FKBP8: variants seen among roughly 807,000 people sequenced by gnomAD.
The protein encoded by FKBP8 is peptidyl-prolyl cis-trans isomerase FKBP8.
A neutral mutation model predicts 41.7 loss-of-function variants in FKBP8; 5 were observed. The ratio of observed to expected loss-of-function variants is 0.12; its 90% CI spans 0.06 to 0.25. FKBP8 has a LOEUF of 0.25. FKBP8 is among the 10% of genes least tolerant of loss of function. The pLI, the probability that FKBP8 is intolerant of heterozygous loss-of-function variation, is 1.00. For missense variants in FKBP8, 397 were observed against 563.0 expected, an observed-to-expected ratio of 0.71 and a Z score of 2.98; for synonymous variants, 279 against 254.5, an observed-to-expected ratio of 1.10 and a Z score of -0.92.
chr19:18,541,941 G>C lies in FKBP8; in HGVS notation c.30C>G (p.Pro10=), dbSNP rs948537674. The change falls in exon 2 of 9, where the codon CCC becomes CCG. Residue 10 remains proline, a synonymous_variant. Coordinates refer to ENST00000608443, the MANE Select transcript of FKBP8 (RefSeq NM_012181.5). ...GGACCCCGGCGGGCAGTGGGGCAGA[G>C]GGCTCAGAGGGTTCAGCACACGATG... MASCAEPSE[P]SAPLPAGVPP... The C allele has an allele frequency of 1.9e-6, 3 of 1,614,038 alleles. No homozygotes were observed. The Admixed American group carries it at 5.0e-5, about 27-fold the overall frequency.
At position 18,532,042 on chromosome 19, in the gene FKBP8, A is replaced by T. The variant is rs1021660308; in HGVS notation, c.*127T>A. The T allele has an allele frequency of 1.6e-5, 13 of 827,830 alleles. No homozygotes were observed. The highest frequency in any genetic ancestry group is 2.6e-5 in the Non-Finnish European group (13 of 507,388). The allele number at this position is 827,830 out of a possible 1,614,324, so 51.3% of individuals were successfully genotyped here. On this transcript the variant is annotated 3_prime_UTR_variant, in exon 9 of 9. Transcript: ENST00000608443. ...TGCTGGCTGGGCTGCACGACCCCCA[A>T]TCCTTGCTCCCCTAACCCGGAGGAG...
Position 18,532,723 on chromosome 19 carries a change from G to A in FKBP8, c.1096C>T (p.Arg366Trp), listed in dbSNP as rs750335116. Reference sequence around the variant, plus strand: ...CGGCTGGGGTTGCCCAGCATTTTCCGGTACAAGGCGGTCTCCGTGCTCCGC... The same window carrying A: ...CGGCTGGGGTTGCCCAGCATTTTCCAGTACAAGGCGGTCTCCGTGCTCCGC... ...AQRSTETALY[R>W]KMLGNPSRLP... is the part of the protein sequence containing the mutation. The change falls in exon 8 of 9, where the codon CGG becomes TGG. Residue 366 changes from arginine (R) to tryptophan (W), a missense_variant. Around this residue, in one of 2 missense-constraint regions of FKBP8, gnomAD observed 225 missense variants for 366.8 expected, o/e 0.61. Coordinates refer to ENST00000608443, the MANE Select transcript of FKBP8 (RefSeq NM_012181.5). 5.0e-6 allele frequency: 8 copies of A among 1,614,134 alleles called. No homozygotes were observed. The highest frequency in any genetic ancestry group is 6.8e-6 in the Non-Finnish European group (8 of 1,180,038).
At position 18,534,199 on chromosome 19, in the gene FKBP8, C is replaced by T. The variant is rs567343977; in HGVS notation, c.946-852G>A. 4.6e-5 allele frequency among the ~76,000 whole-genome samples: 7 copies of T among 151,454 alleles called. No homozygotes were observed. The South Asian group carries it at 8.4e-4, about 18-fold the overall frequency. The stretch of plus-strand genomic sequence containing the variant: ...GCGGGCGCCTGTAGTCCCAGCTACT[C>T]GGGAGGCTGAGGCAGGAGAATGGCG... On this transcript the variant is annotated intron_variant, in intron 6 of 8. Coordinates refer to ENST00000608443, the MANE Select transcript of FKBP8 (RefSeq NM_012181.5).
intron 4 of FKBP8, among the ~76,000 whole-genome samples, chr19:18,539,147 G>C (rs1568411112): frequency 6.6e-6 from 1 of 152,066 alleles, no homozygotes; most frequent in Admixed American, 6.6e-5. Context: ...TTTTTGTATA[G>C]AGATGCGGTC....
rs758466037 is a variant in FKBP8, at chr19:18,538,259, G to T, written c.729C>A (p.Asn243Lys). Residue 243 changes from asparagine to lysine, a missense_variant, in exon 5 of 9, where the codon AAC (asparagine) becomes AAA (lysine). By Grantham distance (94) the Asn-to-Lys change is moderately conservative. Transcript: ENST00000608443. This position sits in a 1 kb window ranked among gnomAD's most constrained non-coding sequence, Gnocchi z 4.0. ...YQRADFVLAANSYDLAIKAIT... is the reference protein window; with the variant it reads ...YQRADFVLAAKSYDLAIKAIT... ...TAGCCTTGATGGCGAGGTCGTAGGA[G>T]TTGGCGGCCAGGACGAAGTCCGCCC... 5 of 1,613,250 alleles carry T rather than the reference G, an allele frequency of 3.1e-6. No homozygotes were observed. The East Asian group carries it at 8.9e-5, about 29-fold the overall frequency.
In FKBP8 at chr19:18,538,298, G is replaced by A. The variant is rs774758548; in HGVS notation, c.690C>T (p.Asn230=). The stretch of plus-strand genomic sequence containing the variant: ...CGAAGTCCGCCCGCTGGTAGTGGGC[G>A]TTGCCGCACTCCCGCTTCCGGTTGG... ...ALANRKRECG[N]AHYQRADFVL... The change falls in exon 5 of 9, where the codon AAC becomes AAT. Residue 230 remains asparagine (N), a synonymous_variant. Transcript: ENST00000608443. The surrounding 1 kb of genome is among the most constrained non-coding windows in gnomAD (Gnocchi z 4.0). 8.7e-6 allele frequency: 14 copies of A among 1,613,588 alleles called. No individual in the cohort carries two copies. Among genetic ancestry groups the A allele is most frequent in the East Asian group, 6.7e-5 (3 of 44,876 alleles).
In FKBP8 at chr19:18,533,288, C is replaced by T. The variant is rs1976490420; in HGVS notation, c.1005G>A (p.Lys335=). 3.1e-6 allele frequency: 5 copies of T among 1,600,270 alleles called. No individual in the cohort carries two copies. The highest frequency in any genetic ancestry group is 1.3e-5 in the African/African-American group (1 of 74,862). Residue 335 remains lysine (K), a synonymous_variant, in exon 7 of 9, where the codon AAG becomes AAA. Transcript: ENST00000608443. ...TGCTCACCTTGTTGGAAGGTTCCAG[C>T]TTCAGGGCTGCCCTCAGGATGGGGA... ...EAIPILRAAL[K]LEPSNKTIHA... is the part of the protein sequence containing the mutation.
At chr19:18,543,426 A>C (rs1976756587) in intron 1 of FKBP8, 60 bp downstream of exon 1, 1 of 130,300 alleles carries the variant, frequency 7.7e-6, no homozygotes, top group Non-Finnish European at 1.6e-5. Context: ...CCCCCGGACC[A>C]GCCTAGGCCA....
In FKBP8 at chr19:18,532,729, A is replaced by C. The variant is rs553830583; in HGVS notation, c.1090T>G (p.Leu364Val). Reference protein sequence around the residue: ...HAAQRSTETALYRKMLGNPSR... With the variant: ...HAAQRSTETAVYRKMLGNPSR... The stretch of plus-strand genomic sequence containing the variant: ...GGGTTGCCCAGCATTTTCCGGTACA[A>C]GGCGGTCTCCGTGCTCCGCTGCGCC... The change falls in exon 8 of 9, where the codon TTG becomes GTG. Residue 364 changes from leucine to valine, a missense_variant. Physicochemically the swap from Leu to Val is conservative, Grantham distance 32. Around this residue, in one of 2 missense-constraint regions of FKBP8, gnomAD observed 225 missense variants for 366.8 expected, o/e 0.61. Coordinates refer to ENST00000608443, the MANE Select transcript of FKBP8 (RefSeq NM_012181.5). 1 of 1,614,130 alleles carries C rather than the reference A, an allele frequency of 6.2e-7. No homozygotes were observed. Among genetic ancestry groups the C allele is most frequent in the South Asian group, 1.1e-5 (1 of 91,090 alleles).
intron 4 of FKBP8, among the ~76,000 whole-genome samples, chr19:18,539,026 G>A (rs1976642952): frequency 6.6e-6 from 1 of 151,760 alleles, no homozygotes. Context: ...GTGCTAGCCA[G>A]GATGGCCTTG....
chr19:18,543,081 C>G, intron 1 of FKBP8: 1 of 297,036 alleles, frequency 3.4e-6, no homozygotes, highest in Non-Finnish European at 6.5e-6. Context: ...CCAGACGCCC[C>G]CCCCTTTCCG....
rs1316686457 is a variant in FKBP8, at chr19:18,541,943, G to A, written c.28C>T (p.Pro10Ser). The A allele has an allele frequency of 6.2e-7, 1 of 1,613,914 alleles. No individual in the cohort carries two copies. The highest frequency in any genetic ancestry group is 2.2e-5 in the East Asian group (1 of 44,892). The change falls in exon 2 of 9, where the codon CCC (proline) becomes TCC (serine). Residue 10 changes from proline (P) to serine (S), a missense_variant. Physicochemically the swap from Pro to Ser is moderately conservative, Grantham distance 74. Coordinates refer to ENST00000608443, the MANE Select transcript of FKBP8 (RefSeq NM_012181.5). Reference protein sequence around the residue: MASCAEPSEPSAPLPAGVPP... With the variant: MASCAEPSESSAPLPAGVPP... ...ACCCCGGCGGGCAGTGGGGCAGAGG[G>A]CTCAGAGGGTTCAGCACACGATGCC...
intron 1 of FKBP8, 48 bp from the exon 2 acceptor site, chr19:18,542,043 C>CA (rs770961482): frequency 1.2e-5 from 19 of 1,557,450 alleles, no homozygotes; most frequent in Non-Finnish European, 1.5e-5. Flanking sequence ...CACAGCCCCT[C>CA]AAAGTCTCCA....
At position 18,538,987 on chromosome 19, in the gene FKBP8, T is replaced by C. The variant is rs1280431513; in HGVS notation, c.551+384A>G. On this transcript the variant is annotated intron_variant, in intron 4 of 8. Transcript: ENST00000608443. The surrounding 1 kb of genome is among the most constrained non-coding windows in gnomAD (Gnocchi z 4.0). ...CCACCACCACGCCTGGCTAATTTTT[T>C]GTATTTTTAGTAGAGACGGGGTTTC... Among the ~76,000 whole-genome samples the C allele has an allele frequency of 1.3e-5, 2 of 151,968 alleles. No homozygotes were observed. The highest frequency in any genetic ancestry group is 3.9e-4 in the East Asian group (2 of 5,186).
chr19:18,537,803 C>A lies in FKBP8; in HGVS notation c.773-30G>T. On this transcript the variant is annotated intron_variant, in intron 5 of 8. Coordinates refer to ENST00000608443, the MANE Select transcript of FKBP8 (RefSeq NM_012181.5). This position sits in a 1 kb window ranked among gnomAD's most constrained non-coding sequence, Gnocchi z 4.4. ...TGGGAGACAGTGCCCGCCACGGCAG[C>A]CGTCACCATGCCACCAGACACCCCG... 6.3e-7 allele frequency: 1 copy of A among 1,581,784 alleles called. No homozygotes were observed. The highest frequency in any genetic ancestry group is 8.6e-7 in the Non-Finnish European group (1 of 1,159,310).
intron 1 of FKBP8, chr19:18,543,013 C>CA (rs1976744739): frequency 3.0e-6 from 2 of 675,966 alleles, no homozygotes; most frequent in African/African-American, 2.1e-5. Context: ...CCACCGCCCC[C>CA]AGCACGGGCC....
At chr19:18,536,839 G>A (rs1335605054) in intron 6 of FKBP8, among the ~76,000 whole-genome samples, 4 of 152,256 alleles carry the variant, frequency 2.6e-5, no homozygotes, top group Admixed American at 6.5e-5. Flanking sequence ...CAATGCCTAC[G>A]CAAAGGCCCT....
chr19:18,531,807 G>A lies in FKBP8; in HGVS notation c.*362C>T. 1 of 272,654 alleles carries A rather than the reference G, an allele frequency of 3.7e-6. No homozygotes were observed. Among genetic ancestry groups the A allele is most frequent in the Admixed American group, 4.4e-5 (1 of 22,596 alleles). The allele number at this position is 272,654 out of a possible 1,614,324, so 16.9% of individuals were successfully genotyped here. On this transcript the variant is annotated 3_prime_UTR_variant, in exon 9 of 9. Transcript: ENST00000608443. The stretch of plus-strand genomic sequence containing the variant: ...TTTCACTGTGGCGGGGAGGGAACCT[G>A]GACAGGGGGCGGCAGGCGGGGTGGG...
chr19:18,534,229 C>A (rs918150734), intron 6 of FKBP8, among the ~76,000 whole-genome samples: 2 of 151,956 alleles, frequency 1.3e-5, no homozygotes, highest in African/African-American at 4.8e-5. Context: ...ATGGCGTGAA[C>A]CCAGGAGGCA....
Sources: gnomAD v4.1 joint callset for allele counts (sites outside exome capture counted in the v4.1 genomes callset) on GRCh38, gnomAD v4.1.1 for gene constraint, gnomAD v4.1.1 regional missense constraint, Gnocchi (gnomAD v3.1) non-coding constraint, MANE v1.5 for transcripts, NCBI Gene and HGNC (gene_info 2026-07-23, HGNC 2026-07-21) for gene names.